C12orf42: variants seen among roughly 807,000 people sequenced by gnomAD.
C12orf42 encodes the protein uncharacterized protein C12orf42.
A neutral mutation model predicts 21.6 loss-of-function variants in C12orf42; 25 were observed. The ratio of observed to expected loss-of-function variants is 1.16; its 90% CI spans 0.84 to 1.62. C12orf42 has a LOEUF of 1.62. Among genes scored for constraint, C12orf42 ranks in the 40% most tolerant of loss-of-function variants. The pLI is 0.00. For missense variants in C12orf42, 483 were observed against 459.3 expected (o/e 1.05, Z -0.47); for synonymous variants, 174 against 175.0 (o/e 0.99, Z 0.05).
intron 4 of C12orf42, among the ~76,000 whole-genome samples, chr12:103,313,498 C>T (rs1203312700): frequency 1.3e-5 from 2 of 152,130 alleles, no homozygotes; most frequent in South Asian, 2.1e-4. Flanking sequence ...TATGCTTTTC[C>T]CCTTCCCAGC....
intron 4 of C12orf42, among the ~76,000 whole-genome samples, chr12:103,346,325 GA>G (rs1470447689): frequency 6.6e-6 from 1 of 152,110 alleles, no homozygotes; most frequent in Non-Finnish European, 1.5e-5. Context: ...GTTTATAAAT[GA>G]ATAAACACAT....
intron 4 of C12orf42, among the ~76,000 whole-genome samples, chr12:103,291,664 C>A (rs949802777): frequency 6.6e-6 from 1 of 152,212 alleles, no homozygotes; most frequent in Non-Finnish European, 1.5e-5. Context: ...CCTTTTAAAC[C>A]ATATAAGGTA....
At chr12:103,134,478 T>C in the C12orf42 span, among the ~76,000 whole-genome samples, 2 of 151,688 alleles carry the variant, frequency 1.3e-5, no homozygotes, top group African/African-American at 2.4e-5. Context: ...ACAAAATACA[T>C]GTAAAATCTT....
chr12:103,120,242 A>G, the C12orf42 span, among the ~76,000 whole-genome samples: 1 of 152,218 alleles, frequency 6.6e-6, no homozygotes, highest in Non-Finnish European at 1.5e-5. Flanking sequence ...GTGCAATAAT[A>G]GAAGCCCATA....
chr12:103,290,057 G>A (rs569482345), intron 4 of C12orf42, among the ~76,000 whole-genome samples: 1 of 152,270 alleles, frequency 6.6e-6, no homozygotes, highest in South Asian at 2.1e-4. Flanking sequence ...GGTCTAAAGA[G>A]AGAAGTGGAA....
chr12:103,187,650 C>T, the C12orf42 span, among the ~76,000 whole-genome samples: 2 of 152,102 alleles, frequency 1.3e-5, no homozygotes, highest in African/African-American at 4.8e-5. Context: ...TTAAGTATCT[C>T]TGTTATCTAT....
At chr12:103,435,190 C>T (rs922722838) in intron 2 of C12orf42, among the ~76,000 whole-genome samples, 4 of 152,088 alleles carry the variant, frequency 2.6e-5, no homozygotes, top group African/African-American at 7.2e-5. Context: ...AGCTGAGGGT[C>T]CTGTCTGTTA....
At chr12:103,339,338 C>T (rs1193136112) in intron 4 of C12orf42, among the ~76,000 whole-genome samples, 1 of 152,114 alleles carries the variant, frequency 6.6e-6, no homozygotes, top group Non-Finnish European at 1.5e-5. Flanking sequence ...GTTATTTCTC[C>T]CCATCGTCTC....
intron 5 of C12orf42, 123 bp from the exon 6 acceptor site, chr12:103,302,682 A>AG (rs2037840545): frequency 3.3e-6 from 2 of 608,898 alleles, no homozygotes; most frequent in East Asian, 6.9e-5. Context: ...AGGGGAAAGA[A>AG]AAAAAAAAAA....
chr12:103,448,909 A>G (rs1043752607), intron 2 of C12orf42, among the ~76,000 whole-genome samples: 1 of 152,126 alleles, frequency 6.6e-6, no homozygotes, highest in East Asian at 1.9e-4. Context: ...AACTAAAACT[A>G]GATCTACCAT....
chr12:103,180,918 G>A, the C12orf42 span, among the ~76,000 whole-genome samples: 6 of 151,696 alleles, frequency 4.0e-5, no homozygotes, highest in South Asian at 2.1e-4. Context: ...ATAAGCCACC[G>A]TGCCCAGCCC....
intron 2 of C12orf42, among the ~76,000 whole-genome samples, chr12:103,461,585 G>A (rs1208258056): frequency 6.6e-6 from 1 of 152,202 alleles, no homozygotes; most frequent in Non-Finnish European, 1.5e-5. Context: ...TGGAACAGAG[G>A]TGGCAGAGTG....
At chr12:103,391,575 T>C (rs948772825) in intron 3 of C12orf42, among the ~76,000 whole-genome samples, 1 of 152,124 alleles carries the variant, frequency 6.6e-6, no homozygotes, top group Admixed American at 6.6e-5. Flanking sequence ...GAGAAATTTC[T>C]TTTCAAGTCC....
chr12:103,435,919 C>G (rs1191913293), intron 2 of C12orf42, among the ~76,000 whole-genome samples: 1 of 148,960 alleles, frequency 6.7e-6, no homozygotes. Context: ...AGATACTCCT[C>G]GAGAAGAGCA....
At chr12:103,247,164 C>CA (rs900550856) in intron 10 of C12orf42, among the ~76,000 whole-genome samples, 114 of 148,780 alleles carry the variant, frequency 7.7e-4, no homozygotes, top group Middle Eastern at 3.5e-3. Flanking sequence ...ACCATTTTTT[C>CA]AAAAAAAAAC....
At chr12:103,118,052 G>T in the C12orf42 span, among the ~76,000 whole-genome samples, 2 of 152,172 alleles carry the variant, frequency 1.3e-5, no homozygotes, top group Non-Finnish European at 2.9e-5. Context: ...TAAGAGGAGG[G>T]GTATGAATTT....
chr12:103,097,632 A>G, the C12orf42 span, among the ~76,000 whole-genome samples: 1 of 152,338 alleles, frequency 6.6e-6, no homozygotes, highest in Non-Finnish European at 1.5e-5. Flanking sequence ...CATTTTGATG[A>G]TACAGACTGG....
At chr12:103,527,230 T>C in the C12orf42 span, among the ~76,000 whole-genome samples, 1 of 152,292 alleles carries the variant, frequency 6.6e-6, no homozygotes, top group African/African-American at 2.4e-5. Context: ...CATGAACATG[T>C]CTGTGCTTGA....
At chr12:103,124,839 A>G in the C12orf42 span, among the ~76,000 whole-genome samples, 4 of 152,168 alleles carry the variant, frequency 2.6e-5, no homozygotes, top group Admixed American at 1.3e-4. Context: ...AGATACAAAC[A>G]CCGAGGGCAC....
Sources: gnomAD v4.1 joint callset for allele counts (sites outside exome capture counted in the v4.1 genomes callset) on GRCh38, gnomAD v4.1.1 for gene constraint, MANE v1.5 for transcripts, NCBI Gene and HGNC (gene_info 2026-07-23, HGNC 2026-07-21) for gene names.